The following SNX29 variants were observed in gnomAD, a reference collection of about 807,000 sequenced individuals.
The protein encoded by SNX29 is sorting nexin-29.
SNX29 carries 78 observed loss-of-function variants against 102.1 expected under a neutral mutation model. That is an observed-to-expected ratio of 0.76 (90% CI 0.64 to 0.92). SNX29 has a LOEUF of 0.92. Among genes scored for constraint, SNX29 ranks in the 40% least tolerant of loss-of-function variants. The probability of loss-of-function intolerance (pLI) is 0.00; values close to 1 mark genes in which losing one functional copy is unlikely to be tolerated. For synonymous variants in SNX29, 580 were observed against 414.5 expected, an observed-to-expected ratio of 1.40 and a Z score of -4.85; for missense variants, 1,280 against 1,061.7, an observed-to-expected ratio of 1.21 and a Z score of -2.86.
intron 13 of SNX29, among the ~76,000 whole-genome samples, chr16:12,142,278 C>T (rs935271853): frequency 1.3e-5 from 2 of 152,174 alleles, no homozygotes; most frequent in African/African-American, 4.8e-5. Flanking sequence ...GCTTGCTTCC[C>T]CAAGGTCGCT....
intron 19 of SNX29, among the ~76,000 whole-genome samples, chr16:12,513,345 C>CCTGAG (rs79421007): frequency 6.7e-6 from 1 of 149,496 alleles, no homozygotes; most frequent in Non-Finnish European, 1.5e-5. Flanking sequence ...CCTGCCCTGC[C>CCTGAG]CTGCTCTCTT....
At chr16:12,561,982 G>A (rs7195313) in intron 20 of SNX29, among the ~76,000 whole-genome samples, 1 of 152,154 alleles carries the variant, frequency 6.6e-6, no homozygotes. Context: ...GTGTCTACCA[G>A]CTTGGTGACA....
rs376169140 is a variant in SNX29, at chr16:12,568,651, G to T, written c.*22G>T. On this transcript the variant is annotated 3_prime_UTR_variant, in exon 21 of 21. Coordinates refer to ENST00000566228, the MANE Select transcript of SNX29 (RefSeq NM_032167.5). ...CTGACCTCGACAAAACCGCAGCCAC[G>T]GGCCCTGTGCGTGGCACCAGCTGCG... The T allele has an allele frequency of 1.3e-6, 2 of 1,599,300 alleles. No homozygotes were observed. Among genetic ancestry groups the T allele is most frequent in the African/African-American group, 2.7e-5 (2 of 74,870 alleles).
At chr16:12,491,510 G>GTGT (rs1555551882) in intron 19 of SNX29, among the ~76,000 whole-genome samples, 2 of 150,410 alleles carry the variant, frequency 1.3e-5, no homozygotes, top group Non-Finnish European at 3.0e-5. Context: ...TGCTGCTGTT[G>GTGT]TTTTTTTTTA....
chr16:12,058,496 T>C (rs985972967), intron 8 of SNX29, among the ~76,000 whole-genome samples: 1 of 40,174 alleles, frequency 2.5e-5, no homozygotes, highest in African/African-American at 1.3e-4. Flanking sequence ...TGGTTTTTGG[T>C]TTTTTTTTTT....
At position 12,019,591 on chromosome 16, in the gene SNX29, T is replaced by TATAGATAG. The variant is rs538458322; in HGVS notation, c.123-7701_123-7694dup. Among the ~76,000 whole-genome samples, 661 of 142,828 alleles carry TATAGATAG rather than the reference T, an allele frequency of 4.6e-3. 8 individuals carry two copies. Among genetic ancestry groups the TATAGATAG allele is most frequent in the East Asian group, 0.012 (63 of 5,086 alleles). 93.7% of individuals were successfully genotyped at this position (142,828 alleles called of 152,430 possible). A position where few individuals can be genotyped will look rare whatever the true frequency, so the allele number is the denominator to read the frequency against. ...ATTGTTATATATGTAAATATATATA[T>TATAGATAG]ATAGATAGATAGATAGATAGATAGA... On this transcript the variant is annotated intron_variant, in intron 3 of 20. Transcript: ENST00000566228.
At chr16:12,103,426 A>C (rs1346169671) in intron 11 of SNX29, among the ~76,000 whole-genome samples, 1 of 152,228 alleles carries the variant, frequency 6.6e-6, no homozygotes, top group Non-Finnish European at 1.5e-5. Flanking sequence ...AAACCTGACA[A>C]AATAAGCAAT....
chr16:12,029,305 C>A (rs143993787), intron 4 of SNX29, among the ~76,000 whole-genome samples: 2 of 152,050 alleles, frequency 1.3e-5, no homozygotes, highest in Non-Finnish European at 2.9e-5. Context: ...TTATTCATTG[C>A]GTGCAGTACT....
chr16:12,539,135 C>G (rs1026330902), intron 20 of SNX29, among the ~76,000 whole-genome samples: 2 of 152,154 alleles, frequency 1.3e-5, no homozygotes, highest in African/African-American at 2.4e-5. Context: ...TTTTAATTTA[C>G]ACAGTGCAAT....
intron 2 of SNX29, among the ~76,000 whole-genome samples, chr16:12,000,826 C>T (rs1194023132): frequency 2.0e-5 from 3 of 152,202 alleles, no homozygotes; most frequent in African/African-American, 7.2e-5. Context: ...ACTTCTTTAG[C>T]TCTGTGTGTA....
At chr16:12,538,138 C>G (rs113364999) in intron 20 of SNX29, among the ~76,000 whole-genome samples, 4 of 152,022 alleles carry the variant, frequency 2.6e-5, no homozygotes, top group African/African-American at 4.8e-5. Flanking sequence ...ATTTTTGAGA[C>G]GGAGTCTCAC....
At chr16:12,515,655 T>G in intron 19 of SNX29, 1 of 482,616 alleles carries the variant, frequency 2.1e-6, no homozygotes, top group Non-Finnish European at 4.1e-6. Context: ...GCCAAGTCCA[T>G]CTCTGTGCCA....
rs35617060 is a variant in SNX29 at position 12,096,477 on chromosome 16, TG to T, written c.1402+17565del. On this transcript the variant is annotated intron_variant, in intron 11 of 20. Coordinates refer to ENST00000566228, the MANE Select transcript of SNX29 (RefSeq NM_032167.5). The surrounding 1 kb of genome is among the most constrained non-coding windows in gnomAD (Gnocchi z 4.2). Reference sequence around the variant, plus strand: ...TGCAGATTTAAGAGTGCCAGCACCATGGGCTGTTGTGAGGACTAAATGAGTT... The same window carrying T: ...TGCAGATTTAAGAGTGCCAGCACCATGGCTGTTGTGAGGACTAAATGAGTT... 2.0e-5 allele frequency among the ~76,000 whole-genome samples: 3 copies of T among 152,226 alleles called. No homozygotes were observed. Among genetic ancestry groups the T allele is most frequent in the African/African-American group, 7.2e-5 (3 of 41,464 alleles).
chr16:12,243,368 C>T (rs1567350311), intron 14 of SNX29, among the ~76,000 whole-genome samples: 2 of 152,198 alleles, frequency 1.3e-5, no homozygotes, highest in African/African-American at 2.4e-5. Context: ...GTTCTGCTGC[C>T]CTGCCATTCC....
chr16:12,235,174 GGCTCACTTGC>G (rs1032379972), intron 14 of SNX29, among the ~76,000 whole-genome samples: 7 of 152,014 alleles, frequency 4.6e-5, no homozygotes, highest in African/African-American at 1.2e-4. Context: ...GTTGGAAACA[GGCTCACTTGC>G]TCACTCTTTC....
At chr16:12,276,880 G>T (rs2079268777) in intron 14 of SNX29, among the ~76,000 whole-genome samples, 4 of 152,158 alleles carry the variant, frequency 2.6e-5, no homozygotes, top group Non-Finnish European at 2.9e-5. Context: ...CTGGGAGCCA[G>T]TCTCTTTAAC....
At chr16:12,333,659 C>T (rs957550400) in intron 15 of SNX29, among the ~76,000 whole-genome samples, 1 of 152,086 alleles carries the variant, frequency 6.6e-6, no homozygotes, top group South Asian at 2.1e-4. Context: ...CCCCAGGGCT[C>T]CCAGTCCGGA....
intron 20 of SNX29, among the ~76,000 whole-genome samples, chr16:12,542,399 A>G (rs1325572759): frequency 6.6e-6 from 1 of 152,244 alleles, no homozygotes; most frequent in Admixed American, 6.5e-5. Context: ...ACAGTGGCAC[A>G]GTCTCCCCTC....
chr16:12,462,043 A>ACACACACACG (rs1457322919), intron 18 of SNX29, among the ~76,000 whole-genome samples: 1 of 126,650 alleles, frequency 7.9e-6, no homozygotes, highest in Non-Finnish European at 1.7e-5. Flanking sequence ...ACACACACAC[A>ACACACACACG]CTCTTATATA....
Sources: gnomAD v4.1 joint callset for allele counts (sites outside exome capture counted in the v4.1 genomes callset) on GRCh38, gnomAD v4.1.1 for gene constraint, Gnocchi (gnomAD v3.1) non-coding constraint, MANE v1.5 for transcripts, NCBI Gene and HGNC (gene_info 2026-07-23, HGNC 2026-07-21) for gene names.